Variants in GRM7 observed in about 807,000 individuals in gnomAD.
The protein encoded by GRM7 is metabotropic glutamate receptor 7.
In GRM7, 35 loss-of-function variants were observed where a neutral mutation model predicts 84.5. The observed-to-expected ratio is 0.41, with a 90% CI of 0.32 to 0.55. The LOEUF (loss-of-function observed/expected upper bound fraction) is 0.55. Among genes scored for constraint, GRM7 ranks in the 20% least tolerant of loss-of-function variants. The pLI is 0.19. For missense variants in GRM7, 1,003 were observed against 1,194.6 expected (o/e 0.84, Z 2.36); for synonymous variants, 487 against 455.1 (o/e 1.07, Z -0.89).
At chr3:7,686,285 A>C (rs1700581176) in intron 9 of GRM7, 1 of 699,652 alleles carries the variant, frequency 1.4e-6, no homozygotes, top group African/African-American at 1.8e-5. Context: ...CAAAAGGAAA[A>C]TAATAATAAT....
chr3:7,338,994 A>G (rs889196789), intron 4 of GRM7, among the ~76,000 whole-genome samples: 4 of 152,016 alleles, frequency 2.6e-5, no homozygotes, highest in African/African-American at 9.7e-5. Flanking sequence ...TCACCTTTTC[A>G]TATCTGTGTC....
At chr3:7,333,045 T>C (rs868726394) in intron 4 of GRM7, among the ~76,000 whole-genome samples, 14 of 151,830 alleles carry the variant, frequency 9.2e-5, no homozygotes, top group African/African-American at 3.1e-4. Context: ...TGGCTGGAGG[T>C]CAATCAAGTC....
At chr3:7,084,201 A>G (rs1698367241) in intron 1 of GRM7, among the ~76,000 whole-genome samples, 2 of 152,124 alleles carry the variant, frequency 1.3e-5, no homozygotes, top group Admixed American at 1.3e-4. Context: ...AGTCAGAAGG[A>G]CATATATGAA....
chr3:7,532,264 T>C (rs992270791), intron 7 of GRM7, among the ~76,000 whole-genome samples: 6 of 152,076 alleles, frequency 3.9e-5, no homozygotes, highest in Admixed American at 6.6e-5. Context: ...GCTTTTTTTG[T>C]TTGGTAGGTT....
chr3:7,285,840 C>G (rs9284909), intron 2 of GRM7, among the ~76,000 whole-genome samples: 7,048 of 152,084 alleles, frequency 0.046, 557 homozygotes, highest in African/African-American at 0.16. Flanking sequence ...TTTTTTCCTT[C>G]TAATTTATCT....
intron 8 of GRM7, among the ~76,000 whole-genome samples, chr3:7,612,023 A>C (rs1007524437): frequency 6.6e-6 from 1 of 152,090 alleles, no homozygotes; most frequent in Middle Eastern, 3.2e-3. Flanking sequence ...AGGTCCTTTA[A>C]CCTCTCAGAT....
intron 1 of GRM7, among the ~76,000 whole-genome samples, chr3:6,889,231 C>T (rs1420452537): frequency 6.6e-6 from 1 of 152,060 alleles, no homozygotes; most frequent in Non-Finnish European, 1.5e-5. Flanking sequence ...ATTTCCTTCT[C>T]CTGCCTGATT....
At chr3:7,078,140 G>T (rs1295439938) in intron 1 of GRM7, among the ~76,000 whole-genome samples, 1 of 152,166 alleles carries the variant, frequency 6.6e-6, no homozygotes, top group African/African-American at 2.4e-5. Flanking sequence ...AATTAAAGCT[G>T]GTGATGAATT....
chr3:7,437,757 A>G (rs1454139060), intron 5 of GRM7, among the ~76,000 whole-genome samples: 7 of 152,082 alleles, frequency 4.6e-5, no homozygotes, highest in African/African-American at 1.7e-4. Context: ...CTCAACAGCC[A>G]TAATATAACT....
intron 4 of GRM7, among the ~76,000 whole-genome samples, chr3:7,351,999 T>A (rs1693169031): frequency 6.6e-6 from 1 of 151,318 alleles, no homozygotes; most frequent in African/African-American, 2.4e-5. Flanking sequence ...TTCCCCCTGA[T>A]AAATATATTC....
At chr3:6,932,939 G>C (rs1274382284) in intron 1 of GRM7, among the ~76,000 whole-genome samples, 1 of 151,688 alleles carries the variant, frequency 6.6e-6, no homozygotes, top group Admixed American at 6.6e-5. Flanking sequence ...ATTTCTAATA[G>C]AGTCGGAGTT....
At chr3:7,187,931 C>G (rs1335512838) in intron 2 of GRM7, among the ~76,000 whole-genome samples, 3 of 152,114 alleles carry the variant, frequency 2.0e-5, no homozygotes, top group Non-Finnish European at 4.4e-5. Flanking sequence ...TCAGTTGTCT[C>G]AATGCCTAGT....
intron 1 of GRM7, among the ~76,000 whole-genome samples, chr3:6,921,507 A>C (rs2125031819): frequency 6.6e-6 from 1 of 152,252 alleles, no homozygotes; most frequent in Middle Eastern, 3.4e-3. Context: ...CATCTATTAA[A>C]ACGTGTGGAT....
At chr3:7,365,647 GTATATA>G (rs755999982) in intron 4 of GRM7, among the ~76,000 whole-genome samples, 1 of 130,054 alleles carries the variant, frequency 7.7e-6, no homozygotes, top group East Asian at 2.1e-4. Context: ...GTGCGTGTGT[GTATATA>G]TATATATATA....
intron 1 of GRM7, among the ~76,000 whole-genome samples, chr3:6,988,057 C>T (rs981905443): frequency 5.5e-5 from 8 of 144,800 alleles, no homozygotes; most frequent in Non-Finnish European, 9.0e-5. Context: ...AGTGCAGTGG[C>T]GCGAACTCGG....
chr3:6,885,446 A>T (rs1050475885), intron 1 of GRM7, among the ~76,000 whole-genome samples: 3 of 152,176 alleles, frequency 2.0e-5, no homozygotes, highest in Non-Finnish European at 4.4e-5. Flanking sequence ...ATTTATGGGT[A>T]TTGCCATGGC....
intron 9 of GRM7, among the ~76,000 whole-genome samples, chr3:7,732,254 G>C (rs1354185040): frequency 1.3e-5 from 2 of 152,124 alleles, no homozygotes; most frequent in Admixed American, 6.5e-5. Flanking sequence ...GCTTCTCTAT[G>C]GTAACACATC....
chr3:7,186,120 C>T (rs1447833425), intron 2 of GRM7, among the ~76,000 whole-genome samples: 1 of 152,200 alleles, frequency 6.6e-6, no homozygotes, highest in Non-Finnish European at 1.5e-5. Context: ...TCCCAGCACT[C>T]TACAGTGAGC....
At chr3:7,238,245 C>T (rs1575067531) in intron 2 of GRM7, among the ~76,000 whole-genome samples, 1 of 152,132 alleles carries the variant, frequency 6.6e-6, no homozygotes, top group South Asian at 2.1e-4. Flanking sequence ...TCCAACAAGC[C>T]CAGGCCACAC....
Sources: allele counts gnomAD v4.1 joint callset (sites outside exome capture counted in the v4.1 genomes callset), GRCh38; gene constraint gnomAD v4.1.1; transcripts MANE v1.5; gene names NCBI Gene and HGNC (gene_info 2026-07-23, HGNC 2026-07-21).